The following PCDH11X variants were observed in gnomAD, a reference collection of about 807,000 sequenced individuals.
The protein encoded by PCDH11X is protocadherin-11 X-linked.
In PCDH11X, 18 loss-of-function variants were observed where a neutral mutation model predicts 53.3. The ratio of observed to expected loss-of-function variants is 0.34; its 90% CI spans 0.23 to 0.50. The LOEUF (loss-of-function observed/expected upper bound fraction) is 0.50, where lower values mean the gene tolerates loss of function less well. Ranked by LOEUF, PCDH11X falls within the 20% of genes least tolerant of loss-of-function variation. PCDH11X has a pLI of 0.98. For missense variants in PCDH11X, 570 were observed against 1,032.4 expected, an observed-to-expected ratio of 0.55 and a Z score of 6.14; for synonymous variants, 279 against 393.3, an observed-to-expected ratio of 0.71 and a Z score of 3.44.
At chrX:92,598,119 T>C (rs1465010549) in intron 10 of PCDH11X, among the ~76,000 whole-genome samples, 1 of 111,395 alleles carries the variant, frequency 9.0e-6, no homozygotes, top group Non-Finnish European at 1.9e-5. Flanking sequence ...ATGCTCAACA[T>C]CAATCCAGGC....
At chrX:92,451,311 C>T (rs942179651) in intron 9 of PCDH11X, among the ~76,000 whole-genome samples, 6 of 109,871 alleles carry the variant, frequency 5.5e-5, no homozygotes, top group African/African-American at 2.0e-4. Flanking sequence ...ATGTGCAGAT[C>T]CATCATATAA....
In PCDH11X at chrX:92,412,542, T is replaced by TAG. The variant is rs1569482946; in HGVS notation, c.3343+24610_3343+24611insGA. Among the ~76,000 whole-genome samples, 22 of 59,518 alleles carry TAG rather than the reference T, an allele frequency of 3.7e-4. 1 individual carries two copies. The highest frequency in any genetic ancestry group is 9.7e-4 in the African/African-American group (16 of 16,522). 51.7% of individuals were successfully genotyped at this position (59,518 alleles called of 115,157 possible). A position where few individuals can be genotyped will look rare whatever the true frequency, so the allele number is the denominator to read the frequency against. ...ATATATATATATATATATATATATA[T>TAG]ATATATATATATAGATAAAGAGGTA... On this transcript the variant is annotated intron_variant, in intron 9 of 10. Transcript: ENST00000682573.
chrX:92,118,907 A>G (rs1355159890), intron 6 of PCDH11X, among the ~76,000 whole-genome samples: 1 of 104,992 alleles, frequency 9.5e-6, no homozygotes, highest in Admixed American at 1.0e-4. Context: ...ACGCCCAGCT[A>G]ATTTTTTGTA....
intron 6 of PCDH11X, among the ~76,000 whole-genome samples, chrX:92,163,924 G>C (rs1344027023): frequency 2.7e-5 from 3 of 110,709 alleles, no homozygotes; most frequent in Non-Finnish European, 5.6e-5. Context: ...ATAACGCAAA[G>C]TTTTAGTCAT....
At chrX:91,784,961 A>G (rs976485824) in intron 1 of PCDH11X, among the ~76,000 whole-genome samples, 1 of 109,830 alleles carries the variant, frequency 9.1e-6, no homozygotes, top group African/African-American at 3.3e-5. Flanking sequence ...TTTAGTTCAC[A>G]CAAGACTTTT....
intron 6 of PCDH11X, among the ~76,000 whole-genome samples, chrX:91,936,780 C>T (rs2061449833): frequency 9.3e-6 from 1 of 107,873 alleles, no homozygotes; most frequent in Non-Finnish European, 1.9e-5. Flanking sequence ...TTATCTGCAT[C>T]GATGTTATTA....
chrX:91,890,734 T>A (rs1940438843), intron 6 of PCDH11X, among the ~76,000 whole-genome samples: 2 of 109,660 alleles, frequency 1.8e-5, no homozygotes, highest in Admixed American at 9.9e-5. Context: ...TAGTTCTCTG[T>A]TAGTCTTCTG....
At chrX:92,475,164 CAAAAAAAAAAA>C (rs761171281) in intron 10 of PCDH11X, among the ~76,000 whole-genome samples, 9,530 of 30,128 alleles carry the variant, frequency 0.32, 530 homozygotes, top group Middle Eastern at 0.49. Flanking sequence ...GACTCCGTCT[CAAAAAAAAAAA>C]AAAAAAAAAA....
chrX:91,955,130 T>C (rs2061692594), intron 6 of PCDH11X, among the ~76,000 whole-genome samples: 1 of 111,808 alleles, frequency 8.9e-6, no homozygotes, highest in African/African-American at 3.3e-5. Flanking sequence ...AACTTTTGTG[T>C]AAGGTGTAAG....
At chrX:92,551,687 T>G (rs902864316) in intron 10 of PCDH11X, among the ~76,000 whole-genome samples, 1 of 110,790 alleles carries the variant, frequency 9.0e-6, no homozygotes, top group East Asian at 2.8e-4. Flanking sequence ...TAGTTTGAAG[T>G]CTTAGATTTA....
chrX:92,269,793 C>T (rs918951248), intron 8 of PCDH11X, among the ~76,000 whole-genome samples: 2 of 111,633 alleles, frequency 1.8e-5, no homozygotes, highest in Admixed American at 9.5e-5. Context: ...AATTGAAGGG[C>T]TCATCTCCCC....
intron 10 of PCDH11X, among the ~76,000 whole-genome samples, chrX:92,543,640 C>T (rs756864844): frequency 9.0e-6 from 1 of 110,672 alleles, no homozygotes; most frequent in South Asian, 3.9e-4. Context: ...ACTAGCTGGG[C>T]ATGATGGCGG....
At chrX:91,907,905 T>G (rs146530718) in intron 6 of PCDH11X, among the ~76,000 whole-genome samples, 371 of 111,863 alleles carry the variant, frequency 3.3e-3, no homozygotes, top group African/African-American at 0.012. Context: ...ATTCCTGTGT[T>G]AGTTTGCTAA....
At chrX:92,116,706 C>T (rs1479683373) in intron 6 of PCDH11X, among the ~76,000 whole-genome samples, 1 of 110,978 alleles carries the variant, frequency 9.0e-6, no homozygotes, top group Admixed American at 9.7e-5. Flanking sequence ...ACTCCTCAGT[C>T]TCTTGAGTAG....
In PCDH11X at chrX:92,225,670, G is replaced by A. The variant is rs891012376; in HGVS notation, c.3114+24215G>A. Reference sequence around the variant, plus strand: ...TGGTGAAGATGGGGTTAAGAACAACGACATAAGATTTTGCAAAATTAAGAA... The same window carrying A: ...TGGTGAAGATGGGGTTAAGAACAACAACATAAGATTTTGCAAAATTAAGAA... On this transcript the variant is annotated intron_variant, in intron 7 of 10. Coordinates refer to ENST00000682573, the MANE Select transcript of PCDH11X (RefSeq NM_032968.5). Among the ~76,000 whole-genome samples, 8 of 110,982 alleles carry A rather than the reference G, an allele frequency of 7.2e-5. No homozygotes were observed. The Admixed American group carries it at 7.7e-4, about 11-fold the overall frequency.
rs190654119 is a variant in PCDH11X, at chrX:92,154,947, A to T, written c.3034-46428A>T. Among the ~76,000 whole-genome samples the T allele has an allele frequency of 9.1e-3, 993 of 108,803 alleles. 9 individuals are homozygous for T. The highest frequency in any genetic ancestry group is 0.032 in the African/African-American group (947 of 29,763). 94.5% of individuals were successfully genotyped at this position (108,803 alleles called of 115,157 possible). On this transcript the variant is annotated intron_variant, in intron 6 of 10. Coordinates refer to ENST00000682573, the MANE Select transcript of PCDH11X (RefSeq NM_032968.5). ...GGGATACAGAAATCCCTCTGTCCTT[A>T]TGATAAGGAAGGGGGTCTGCGTTGG...
chrX:92,530,721 C>T (rs1393357865), intron 10 of PCDH11X, among the ~76,000 whole-genome samples: 1 of 111,742 alleles, frequency 8.9e-6, no homozygotes, highest in Non-Finnish European at 1.9e-5. Flanking sequence ...AGTTTTTTTT[C>T]ATCTCTTCTA....
At chrX:92,576,331 A>G (rs1922969427) in intron 10 of PCDH11X, among the ~76,000 whole-genome samples, 1 of 88,245 alleles carries the variant, frequency 1.1e-5, no homozygotes, top group African/African-American at 4.2e-5. Flanking sequence ...CAACAGATCA[A>G]TGAGTCTTTT....
chrX:92,539,310 T>A (rs1385399697), intron 10 of PCDH11X, among the ~76,000 whole-genome samples: 1 of 111,660 alleles, frequency 9.0e-6, no homozygotes, highest in African/African-American at 3.2e-5. Flanking sequence ...TTTTGTTTCC[T>A]TTGTATTTTC....
Sources: allele counts gnomAD v4.1 joint callset (sites outside exome capture counted in the v4.1 genomes callset), GRCh38; gene constraint gnomAD v4.1.1; transcripts MANE v1.5; gene names NCBI Gene and HGNC (gene_info 2026-07-23, HGNC 2026-07-21).